The following AGBL1 variants were observed in gnomAD, a reference collection of about 807,000 sequenced individuals.
The protein encoded by AGBL1 is cytosolic carboxypeptidase 4.
Under a neutral mutation model 118.9 loss-of-function variants are expected in AGBL1, and 130 were observed. The ratio of observed to expected loss-of-function variants is 1.09; its 90% CI spans 0.95 to 1.26. AGBL1 has a LOEUF of 1.26. Among genes scored for constraint, AGBL1 ranks in the 50% most tolerant of loss-of-function variants. The pLI is 0.00. For synonymous variants in AGBL1, 555 were observed against 478.9 expected, an observed-to-expected ratio of 1.16 and a Z score of -2.08; for missense variants, 1,584 against 1,298.1, an observed-to-expected ratio of 1.22 and a Z score of -3.38.
chr15:86,724,235 C>CAAAAA (rs1204898095), intron 22 of AGBL1, among the ~76,000 whole-genome samples: 22,656 of 73,404 alleles, frequency 0.31, 4,619 homozygotes, highest in Non-Finnish European at 0.39. Context: ...GACTCCATCT[C>CAAAAA]AAAAAAAAAA....
intron 22 of AGBL1, among the ~76,000 whole-genome samples, chr15:86,896,578 A>C (rs1038327133): frequency 2.0e-5 from 3 of 151,914 alleles, no homozygotes; most frequent in Non-Finnish European, 4.4e-5. Context: ...AGGTTTTCTA[A>C]CTTTGTTGCG....
intron 21 of AGBL1, among the ~76,000 whole-genome samples, chr15:86,561,975 G>C (rs895959905): frequency 2.4e-4 from 36 of 152,230 alleles, no homozygotes; most frequent in African/African-American, 7.5e-4. Context: ...TGGTGTATAA[G>C]AATGCTTGTG....
intron 22 of AGBL1, among the ~76,000 whole-genome samples, chr15:86,862,790 C>T (rs143843082): frequency 3.6e-4 from 55 of 152,236 alleles, no homozygotes; most frequent in African/African-American, 1.1e-3. Context: ...CAAGCATTTA[C>T]GTAACAGCTA....
chr15:86,746,639 C>A (rs914767922), intron 22 of AGBL1, among the ~76,000 whole-genome samples: 1 of 151,948 alleles, frequency 6.6e-6, no homozygotes, highest in Non-Finnish European at 1.5e-5. Context: ...AAAATAGGTA[C>A]CAAACAAATA....
At chr15:86,463,659 G>A (rs1411011010) in intron 18 of AGBL1, among the ~76,000 whole-genome samples, 1 of 152,136 alleles carries the variant, frequency 6.6e-6, no homozygotes, top group Non-Finnish European at 1.5e-5. Flanking sequence ...TCTGCATATA[G>A]CTAGTGAGTT....
At chr15:86,544,322 G>A (rs1471116103) in intron 19 of AGBL1, among the ~76,000 whole-genome samples, 6 of 152,136 alleles carry the variant, frequency 3.9e-5, no homozygotes, top group Non-Finnish European at 1.5e-5. Flanking sequence ...CTCACGTGAT[G>A]GTTGTTGCAA....
chr15:86,184,395 C>T (rs1223548958), intron 5 of AGBL1, among the ~76,000 whole-genome samples: 1 of 149,644 alleles, frequency 6.7e-6, no homozygotes, highest in Non-Finnish European at 1.5e-5. Context: ...TTTCCATGGA[C>T]TTTTATACAC....
intron 21 of AGBL1, among the ~76,000 whole-genome samples, chr15:86,568,116 A>G (rs939811479): frequency 1.3e-5 from 2 of 152,144 alleles, no homozygotes; most frequent in Non-Finnish European, 2.9e-5. Context: ...TTCTACTACA[A>G]GAAACTGTCT....
chr15:86,847,379 C>T (rs2079334793), intron 22 of AGBL1, among the ~76,000 whole-genome samples: 1 of 152,168 alleles, frequency 6.6e-6, no homozygotes, highest in South Asian at 2.1e-4. Flanking sequence ...TGTGCTAACC[C>T]TGAATTCTGA....
At chr15:86,725,179 T>C (rs74025443) in intron 22 of AGBL1, among the ~76,000 whole-genome samples, 2,429 of 152,300 alleles carry the variant, frequency 0.016, 74 homozygotes, top group African/African-American at 0.056. Flanking sequence ...CTTTTAAATT[T>C]CCAATATATG....
intron 1 of AGBL1, among the ~76,000 whole-genome samples, chr15:86,096,270 G>T (rs1381374078): frequency 6.6e-6 from 1 of 152,112 alleles, no homozygotes; most frequent in Non-Finnish European, 1.5e-5. Flanking sequence ...TGAGCCTCAG[G>T]TCTGCTTTCT....
chr15:86,956,378 A>C (rs1198989121), intron 23 of AGBL1, among the ~76,000 whole-genome samples: 3 of 152,128 alleles, frequency 2.0e-5, no homozygotes, highest in Non-Finnish European at 4.4e-5. Context: ...GGCAGATAAA[A>C]TGAAAGAGAT....
chr15:86,217,998 A>G (rs896365779), intron 5 of AGBL1, among the ~76,000 whole-genome samples: 1 of 152,202 alleles, frequency 6.6e-6, no homozygotes, highest in African/African-American at 2.4e-5. Context: ...GGGCTATAGC[A>G]GTAGTTGGGT....
chr15:86,978,485 G>A (rs1052397168), intron 23 of AGBL1, among the ~76,000 whole-genome samples: 1 of 152,166 alleles, frequency 6.6e-6, no homozygotes, highest in African/African-American at 2.4e-5. Context: ...ACAAAGCTGG[G>A]GGTTTAAGTA....
intron 17 of AGBL1, among the ~76,000 whole-genome samples, chr15:86,328,324 G>A (rs569639905): frequency 1.3e-5 from 2 of 152,200 alleles, no homozygotes; most frequent in African/African-American, 2.4e-5. Context: ...GAGAGAGAAC[G>A]ATACAGAAAG....
At chr15:86,474,670 G>T (rs139302763) in intron 18 of AGBL1, among the ~76,000 whole-genome samples, 15,875 of 152,162 alleles carry the variant, frequency 0.1, 926 homozygotes, top group South Asian at 0.17. Flanking sequence ...CCAAACAAAA[G>T]GCAGCAGAAA....
At chr15:86,432,642 C>T (rs1418838366) in intron 18 of AGBL1, among the ~76,000 whole-genome samples, 5 of 152,142 alleles carry the variant, frequency 3.3e-5, no homozygotes, top group East Asian at 1.9e-4. Flanking sequence ...ATACTTTACT[C>T]TTGCTGGCCA....
At chr15:87,011,013 CTCT>C (rs1202276573) in intron 24 of AGBL1, among the ~76,000 whole-genome samples, 2 of 152,194 alleles carry the variant, frequency 1.3e-5, no homozygotes, top group African/African-American at 4.8e-5. Flanking sequence ...ACCCATTTTT[CTCT>C]TCTTGTTAAG....
chr15:86,461,075 A>C (rs2082329058), intron 18 of AGBL1, among the ~76,000 whole-genome samples: 2 of 152,086 alleles, frequency 1.3e-5, no homozygotes, highest in African/African-American at 4.8e-5. Context: ...GTGGATGTCA[A>C]CCTTGGCTCA....
Sources: gnomAD v4.1 joint callset for allele counts (sites outside exome capture counted in the v4.1 genomes callset) on GRCh38, gnomAD v4.1.1 for gene constraint, MANE v1.5 for transcripts, NCBI Gene and HGNC (gene_info 2026-07-23, HGNC 2026-07-21) for gene names.